GOLGA7: variants seen among roughly 807,000 people sequenced by gnomAD.
GOLGA7 encodes the protein golgin A7.
A neutral mutation model predicts 21.1 loss-of-function variants in GOLGA7; 10 were observed. The observed-to-expected ratio is 0.47, with a 90% CI of 0.29 to 0.80. The LOEUF is 0.80. Ranked by LOEUF, GOLGA7 falls within the 30% of genes least tolerant of loss-of-function variation. The pLI, the probability that GOLGA7 is intolerant of heterozygous loss-of-function variation, is 0.08. For missense variants in GOLGA7, 114 were observed against 166.8 expected (o/e 0.68, Z 1.74); for synonymous variants, 64 against 62.6 (o/e 1.02, Z -0.10).
intron 1 of GOLGA7, among the ~76,000 whole-genome samples, chr8:41,495,097 G>A (rs184234360): frequency 1.8e-4 from 27 of 150,176 alleles, no homozygotes; most frequent in Admixed American, 6.6e-4. Flanking sequence ...CCAGCTACTC[G>A]GGAGGCTGAG....
At chr8:41,508,374 C>T (rs749243333) in intron 4 of GOLGA7, among the ~76,000 whole-genome samples, 16 of 152,190 alleles carry the variant, frequency 1.1e-4, no homozygotes, top group Non-Finnish European at 2.2e-4. Context: ...ACCTGAATTC[C>T]TGAAAGCCAA....
At position 41,510,369 on chromosome 8, in the gene GOLGA7, C is replaced by G. The variant is rs1806393052; in HGVS notation, c.*801C>G. 1 of 152,524 alleles carries G rather than the reference C, an allele frequency of 6.6e-6. No individual in the cohort carries two copies. The allele number at this position is 152,524 out of a possible 1,614,324, so 9.4% of individuals were successfully genotyped here. ...CCAAACCATCAGACACATAAATGTT[C>G]CCGCTGTGTCCCTGGATATGGAATA... On this transcript the variant is annotated 3_prime_UTR_variant, in exon 5 of 5. Coordinates refer to ENST00000357743, the MANE Select transcript of GOLGA7 (RefSeq NM_001002296.2).
intron 2 of GOLGA7, chr8:41,502,631 T>C (rs1806176901): frequency 6.6e-6 from 1 of 152,148 alleles, no homozygotes; most frequent in African/African-American, 2.4e-5. Flanking sequence ...CTGTAATCTC[T>C]AGAAGGAACA....
intron 2 of GOLGA7, among the ~76,000 whole-genome samples, chr8:41,500,949 T>C (rs1806136009): frequency 6.6e-6 from 1 of 152,202 alleles, no homozygotes; most frequent in African/African-American, 2.4e-5. Flanking sequence ...TTCACATAGG[T>C]AGAAACTTTA....
intron 2 of GOLGA7, among the ~76,000 whole-genome samples, chr8:41,499,739 G>C (rs904286163): frequency 5.3e-5 from 8 of 152,304 alleles, no homozygotes; most frequent in Admixed American, 3.9e-4. Context: ...TATAGGCACA[G>C]GATAGGGGTG....
intron 2 of GOLGA7, among the ~76,000 whole-genome samples, chr8:41,499,867 G>C (rs1176261985): frequency 6.6e-6 from 1 of 152,190 alleles, no homozygotes; most frequent in African/African-American, 2.4e-5. Flanking sequence ...TCTCTACCCA[G>C]CACTTCCCTG....
At chr8:41,508,386 G>A (rs1806340323) in intron 4 of GOLGA7, among the ~76,000 whole-genome samples, 1 of 152,202 alleles carries the variant, frequency 6.6e-6, no homozygotes, top group Admixed American at 6.5e-5. Flanking sequence ...GAAAGCCAAA[G>A]ATCTAAATCA....
At chr8:41,499,697 T>C (rs916913315) in intron 2 of GOLGA7, among the ~76,000 whole-genome samples, 1 of 152,222 alleles carries the variant, frequency 6.6e-6, no homozygotes, top group Non-Finnish European at 1.5e-5. Context: ...TCCAGCCACC[T>C]GTTTGTCTGC....
At position 41,490,861 on chromosome 8, in the gene GOLGA7, C is replaced by T. The variant is rs1374209408; in HGVS notation, c.7C>T (p.Pro3Ser). 6.3e-7 allele frequency: 1 copy of T among 1,587,714 alleles called. No homozygotes were observed. The highest frequency in any genetic ancestry group is 8.6e-7 in the Non-Finnish European group (1 of 1,165,322). ...GGGGTGTCCTGTCCTCGCCATGAGG[C>T]CGCAGCAGGCGCCGGTGTCCGGAAA... MR[P>S]QQAPVSGKVF... The change falls in exon 1 of 5, where the codon CCG becomes TCG. Residue 3 changes from proline (P) to serine (S), a missense_variant. Coordinates refer to ENST00000357743, the MANE Select transcript of GOLGA7 (RefSeq NM_001002296.2).
At chr8:41,501,073 T>C (rs1319157433) in intron 2 of GOLGA7, among the ~76,000 whole-genome samples, 3 of 152,222 alleles carry the variant, frequency 2.0e-5, no homozygotes, top group African/African-American at 7.2e-5. Flanking sequence ...TGAGTTGTTA[T>C]TACATTTGTT....
chr8:41,495,443 C>A (rs1166873254), intron 1 of GOLGA7, among the ~76,000 whole-genome samples: 2 of 151,684 alleles, frequency 1.3e-5, no homozygotes, highest in East Asian at 3.9e-4. Flanking sequence ...CACCACCACG[C>A]CTGGCTAATT....
At chr8:41,502,604 T>C (rs1459600973) in intron 2 of GOLGA7, 1 of 152,132 alleles carries the variant, frequency 6.6e-6, no homozygotes, top group East Asian at 1.9e-4. Flanking sequence ...CTAGAAAACA[T>C]CCCTTCTGCC....
At chr8:41,498,817 T>C (rs1359151528) in intron 2 of GOLGA7, among the ~76,000 whole-genome samples, 1 of 152,254 alleles carries the variant, frequency 6.6e-6, no homozygotes, top group African/African-American at 2.4e-5. Context: ...GCTTTGGGTA[T>C]ATCAGGCACT....
Position 41,510,322 on chromosome 8 carries a change from A to T in GOLGA7, c.*754A>T, listed in dbSNP as rs1236362261. The T allele has an allele frequency of 6.6e-6, 1 of 152,660 alleles. No homozygotes were observed. The highest frequency in any genetic ancestry group is 1.5e-5 in the Non-Finnish European group (1 of 68,040). 9.5% of individuals were successfully genotyped at this position (152,660 alleles called of 1,614,324 possible). ...GTGCTGCTTGTTCATCACAAAAATC[A>T]GTAAGCACAATAAAGTGGATGCCAA... On this transcript the variant is annotated 3_prime_UTR_variant, in exon 5 of 5. Coordinates refer to ENST00000357743, the MANE Select transcript of GOLGA7 (RefSeq NM_001002296.2).
chr8:41,490,522 G>GGAGGCCGAGCTGAGGGGC (rs1805851791), upstream of GOLGA7: 1 of 310,324 alleles, frequency 3.2e-6, no homozygotes, highest in Non-Finnish European at 6.1e-6. Flanking sequence ...ACCTGAGGTA[G>GGAGGCCGAGCTGAGGGGC]GAGGCCGAGC....
At chr8:41,500,651 A>C (rs752569691) in intron 2 of GOLGA7, among the ~76,000 whole-genome samples, 8 of 152,246 alleles carry the variant, frequency 5.3e-5, no homozygotes, top group Non-Finnish European at 1.0e-4. Flanking sequence ...GCTGGTCTCG[A>C]ACTCCTGGGC....
At chr8:41,501,606 G>C (rs1010444470) in intron 2 of GOLGA7, among the ~76,000 whole-genome samples, 1 of 152,094 alleles carries the variant, frequency 6.6e-6, no homozygotes, top group African/African-American at 2.4e-5. Flanking sequence ...ATGTTGGCTA[G>C]GCTGGTCTTG....
chr8:41,494,021 T>A (rs1471779645), intron 1 of GOLGA7, among the ~76,000 whole-genome samples: 3 of 152,248 alleles, frequency 2.0e-5, no homozygotes, highest in Non-Finnish European at 4.4e-5. Flanking sequence ...TTCCCTTTTT[T>A]AAAATAACCT....
chr8:41,497,146 G>C (rs905153376), intron 1 of GOLGA7, among the ~76,000 whole-genome samples: 1 of 151,066 alleles, frequency 6.6e-6, no homozygotes, highest in South Asian at 2.1e-4. Context: ...TGCCTGTTCT[G>C]CTTGCATAAT....
Sources: allele counts gnomAD v4.1 joint callset (sites outside exome capture counted in the v4.1 genomes callset), GRCh38; gene constraint gnomAD v4.1.1; transcripts MANE v1.5; gene names NCBI Gene and HGNC (gene_info 2026-07-23, HGNC 2026-07-21).